Variants in DNAH3 observed in about 807,000 individuals in gnomAD.
DNAH3 encodes the protein axonemal beta dynein heavy chain 3.
In DNAH3, 332 loss-of-function variants were observed where a neutral mutation model predicts 432.5. That is an observed-to-expected ratio of 0.77 (90% CI 0.70 to 0.84). The LOEUF is 0.84. Among genes scored for constraint, DNAH3 ranks in the 40% least tolerant of loss-of-function variants. DNAH3 has a pLI of 0.00. For missense variants in DNAH3, 4,861 were observed against 5,114.0 expected, an observed-to-expected ratio of 0.95 and a Z score of 1.51; for synonymous variants, 1,956 against 1,900.2, an observed-to-expected ratio of 1.03 and a Z score of -0.76.
intron 60 of DNAH3, 38 bp downstream of exon 60, chr16:20,936,611 G>A (rs755402920): frequency 6.5e-7 from 1 of 1,542,452 alleles, no homozygotes; most frequent in Middle Eastern, 2.3e-4. Flanking sequence ...ACCTAAGCAA[G>A]CATGCCAGGT....
intron 24 of DNAH3, among the ~76,000 whole-genome samples, chr16:21,063,402 A>T (rs1270595735): frequency 6.6e-6 from 1 of 152,106 alleles, no homozygotes; most frequent in Non-Finnish European, 1.5e-5. Flanking sequence ...TATAGGCATG[A>T]TACAAGAAAG....
At chr16:20,989,978 G>A (rs1597077309) in intron 44 of DNAH3, among the ~76,000 whole-genome samples, 1 of 152,216 alleles carries the variant, frequency 6.6e-6, no homozygotes, top group Admixed American at 6.5e-5. Context: ...ACTCCAGCTG[G>A]CCTGCAAGCG....
intron 5 of DNAH3, 38 bp from the exon 7 acceptor site, chr16:21,136,551 A>G: frequency 6.3e-7 from 1 of 1,598,360 alleles, no homozygotes; most frequent in Non-Finnish European, 8.6e-7. Flanking sequence ...AATGGTCATG[A>G]TTGGATCATG....
At chr16:20,941,566 GGTGA>G in intron 58 of DNAH3, 23 bp from the exon 59 acceptor site, 1 of 1,613,162 alleles carries the variant, frequency 6.2e-7, no homozygotes, top group Non-Finnish European at 8.5e-7. Context: ...GCAGAAGAGA[GGTGA>G]GTGAGAAGCA....
At chr16:20,959,673 G>A (rs1289837877) in intron 53 of DNAH3, among the ~76,000 whole-genome samples, 1 of 150,514 alleles carries the variant, frequency 6.6e-6, no homozygotes, top group East Asian at 1.9e-4. Context: ...ACAAAAGGTG[G>A]GGTTCACATT....
At chr16:21,081,484 G>A (rs2091183425) in intron 20 of DNAH3, 152 bp downstream of exon 20, 3 of 553,548 alleles carry the variant, frequency 5.4e-6, no homozygotes, top group Non-Finnish European at 9.7e-6. Flanking sequence ...ACCAATACGA[G>A]TTGGTAGCTG....
chr16:21,154,229 C>T (rs990255990), intron 1 of DNAH3, among the ~76,000 whole-genome samples: 2 of 152,196 alleles, frequency 1.3e-5, no homozygotes, highest in African/African-American at 2.4e-5. Context: ...CATGGTGAAA[C>T]CCCGTCTCTA....
intron 57 of DNAH3, among the ~76,000 whole-genome samples, 190 bp downstream of exon 57, chr16:20,948,293 C>T (rs1275982378): frequency 7.0e-6 from 1 of 143,650 alleles, no homozygotes; most frequent in Non-Finnish European, 1.5e-5. Context: ...TACCAAATAC[C>T]GACCCCCTCC....
rs1567529846 is a variant in DNAH3 at position 20,959,652 on chromosome 16, CA to C, written c.10601-249del. 2.3e-3 allele frequency among the ~76,000 whole-genome samples: 336 copies of C among 145,772 alleles called. 3 individuals are homozygous for C. The highest frequency in any genetic ancestry group is 0.012 in the South Asian group (53 of 4,500). ...ACACACACACACACACACACACACA[CA>C]CACCCCAACACAAAAGGTGGGGTTC... On this transcript the variant is annotated intron_variant, in intron 53 of 61. Transcript: ENST00000261383.
At chr16:20,936,818 A>C (rs1317013203) in exon 60 of DNAH3, 1 of 1,613,410 alleles carries the variant, frequency 6.2e-7, no homozygotes, top group Non-Finnish European at 8.5e-7. Flanking sequence ...GGCTCGGCCA[A>C]GATTGATGAG....
chr16:21,059,657 C>A (rs1373216595), intron 26 of DNAH3, among the ~76,000 whole-genome samples: 1 of 151,866 alleles, frequency 6.6e-6, no homozygotes, highest in African/African-American at 2.4e-5. Flanking sequence ...TGCCTGTAGT[C>A]CTAGCTACTT....
intron 18 of DNAH3, among the ~76,000 whole-genome samples, chr16:21,091,272 T>C (rs2091527128): frequency 6.6e-6 from 1 of 152,136 alleles, no homozygotes; most frequent in Non-Finnish European, 1.5e-5. Flanking sequence ...ATTAGCTTGA[T>C]TTAATCTTTC....
chr16:21,050,392 C>T (rs2089905033), intron 29 of DNAH3, among the ~76,000 whole-genome samples: 1 of 152,136 alleles, frequency 6.6e-6, no homozygotes, highest in African/African-American at 2.4e-5. Flanking sequence ...CCAAAGATCA[C>T]CAGTGCTAAT....
At chr16:20,963,667 G>C (rs775622501) in exon 53 of DNAH3, 37 of 1,613,858 alleles carry the variant, frequency 2.3e-5, no homozygotes, top group African/African-American at 1.3e-5. Flanking sequence ...ATTGGGGTAG[G>C]GGTTATCCAG....
intron 18 of DNAH3, among the ~76,000 whole-genome samples, chr16:21,090,020 G>A (rs2091484014): frequency 1.3e-5 from 2 of 151,922 alleles, no homozygotes; most frequent in South Asian, 4.1e-4. Context: ...GACATTAACA[G>A]GGTAATAAGG....
At chr16:21,079,055 T>C (rs1030265341) in intron 20 of DNAH3, among the ~76,000 whole-genome samples, 1 of 152,166 alleles carries the variant, frequency 6.6e-6, no homozygotes, top group African/African-American at 2.4e-5. Flanking sequence ...TGAACATGTG[T>C]GCATGGAAAG....
chr16:21,037,698 A>T, intron 34 of DNAH3, 63 bp downstream of exon 34: 1 of 1,470,900 alleles, frequency 6.8e-7, no homozygotes, highest in Non-Finnish European at 9.4e-7. Context: ...GGCACCAAAC[A>T]CAACATTTCA....
intron 42 of DNAH3, 59 bp downstream of exon 42, chr16:21,003,043 TGA>T: frequency 9.0e-7 from 1 of 1,115,016 alleles, no homozygotes; most frequent in Non-Finnish European, 1.4e-6. Flanking sequence ...TTCTTCCACC[TGA>T]GAGAATATTT....
intron 5 of DNAH3, among the ~76,000 whole-genome samples, chr16:21,138,507 C>G (rs1173707169): frequency 6.6e-6 from 1 of 151,932 alleles, no homozygotes; most frequent in Admixed American, 6.6e-5. Context: ...AAATGCTGCA[C>G]AGCTCTTAAG....
Sources: gnomAD v4.1 joint callset for allele counts (sites outside exome capture counted in the v4.1 genomes callset) on GRCh38, gnomAD v4.1.1 for gene constraint, MANE v1.5 for transcripts, NCBI Gene and HGNC (gene_info 2026-07-23, HGNC 2026-07-21) for gene names.